KCNAB1: variants seen among roughly 807,000 people sequenced by gnomAD.
KCNAB1 encodes the protein voltage-gated potassium channel subunit beta-1.
Under a neutral mutation model 64.6 loss-of-function variants are expected in KCNAB1, and 35 were observed. The observed-to-expected ratio is 0.54, with a 90% CI of 0.41 to 0.72. The LOEUF is 0.72. Ranked by LOEUF, KCNAB1 falls within the 30% of genes least tolerant of loss-of-function variation. KCNAB1 has a pLI of 0.00. For missense variants in KCNAB1, 401 were observed against 512.9 expected (o/e 0.78, Z 2.11); for synonymous variants, 177 against 183.8 (o/e 0.96, Z 0.30).
intron 8 of KCNAB1, among the ~76,000 whole-genome samples, chr3:156,476,997 T>C (rs950719262): frequency 1.3e-5 from 2 of 152,154 alleles, no homozygotes; most frequent in Admixed American, 6.6e-5. Flanking sequence ...GTTCCCATCT[T>C]ACCCCTACCT....
intron 1 of KCNAB1, among the ~76,000 whole-genome samples, chr3:156,376,544 T>C (rs931460651): frequency 7.2e-5 from 11 of 152,076 alleles, no homozygotes; most frequent in Non-Finnish European, 8.8e-5. Flanking sequence ...GGAAAAACTA[T>C]TGGGAGGTTG....
intron 1 of KCNAB1, among the ~76,000 whole-genome samples, chr3:156,166,882 T>C (rs1438344866): frequency 2.0e-5 from 3 of 152,160 alleles, no homozygotes; most frequent in Non-Finnish European, 4.4e-5. Context: ...TGCGAAGGCT[T>C]TTTAGGATTT....
intron 8 of KCNAB1, among the ~76,000 whole-genome samples, chr3:156,496,467 C>T (rs1211919256): frequency 6.6e-6 from 1 of 152,174 alleles, no homozygotes; most frequent in Non-Finnish European, 1.5e-5. Context: ...TTCGCTCCTC[C>T]TTTGCCTTCC....
Position 156,455,350 on chromosome 3 carries a change from C to T in KCNAB1, c.358-2103C>T. ...ACACTTTCTCAGGAGGTGGGGATGT[C>T]CCCATCACTGGGAGAGTTCATTTAT... On this transcript the variant is annotated intron_variant, in intron 3 of 13. Coordinates refer to ENST00000490337, the MANE Select transcript of KCNAB1 (RefSeq NM_172160.3). Among the ~76,000 whole-genome samples, 2 of 152,182 alleles carry T rather than the reference C, an allele frequency of 1.3e-5. 1 individual carries two copies. Among genetic ancestry groups the T allele is most frequent in the South Asian group, 4.1e-4 (2 of 4,828 alleles).
chr3:156,474,898 G>C, intron 8 of KCNAB1, 78 bp downstream of exon 8: 1 of 1,103,968 alleles, frequency 9.1e-7, no homozygotes, highest in Non-Finnish European at 1.4e-6. Context: ...AGCAGGAAAT[G>C]AATTGTATTC....
rs567845081 is a variant in KCNAB1 at position 156,240,312 on chromosome 3, C to T, written c.275+119426C>T. Among the ~76,000 whole-genome samples the T allele has an allele frequency of 2.4e-3, 367 of 151,742 alleles. 1 individual carries two copies. Among genetic ancestry groups the T allele is most frequent in the Non-Finnish European group, 3.7e-3 (248 of 67,892 alleles). On this transcript the variant is annotated intron_variant, in intron 1 of 13. Coordinates refer to ENST00000490337, the MANE Select transcript of KCNAB1 (RefSeq NM_172160.3). Reference sequence around the variant, plus strand: ...TCTCTGATTTTTCCTTCCTTCATTCCTTTCTTTCTATTTTTTCCTTCTTTT... The same window carrying T: ...TCTCTGATTTTTCCTTCCTTCATTCTTTTCTTTCTATTTTTTCCTTCTTTT...
chr3:156,412,493 T>G (rs1714735260), intron 1 of KCNAB1, among the ~76,000 whole-genome samples: 1 of 152,234 alleles, frequency 6.6e-6, no homozygotes, highest in Non-Finnish European at 1.5e-5. Flanking sequence ...GAAAGGCTTC[T>G]CAAACTTTTA....
At chr3:156,478,398 A>G (rs1009547435) in intron 8 of KCNAB1, among the ~76,000 whole-genome samples, 2 of 152,288 alleles carry the variant, frequency 1.3e-5, no homozygotes, top group East Asian at 3.9e-4. Flanking sequence ...TGCCAACCCC[A>G]TGGAGTCACA....
Position 156,421,273 on chromosome 3 carries a change from G to A in KCNAB1, c.276-343G>A, listed in dbSNP as rs149540709. On this transcript the variant is annotated intron_variant, in intron 1 of 13. Coordinates refer to ENST00000490337, the MANE Select transcript of KCNAB1 (RefSeq NM_172160.3). ...TTGACAAATAATGAATGAATGGTTG[G>A]TGAATAAGTTAAAGAAGTTTACCCT... 1.8e-3 allele frequency among the ~76,000 whole-genome samples: 267 copies of A among 152,282 alleles called. 2 individuals carry two copies. In the Middle Eastern group the frequency reaches 0.024, roughly 14 times the overall value.
chr3:156,222,742 C>T (rs1340162340), intron 1 of KCNAB1, among the ~76,000 whole-genome samples: 1 of 152,082 alleles, frequency 6.6e-6, no homozygotes, highest in Non-Finnish European at 1.5e-5. Context: ...TCTCAGACTA[C>T]AGTGGAATAA....
chr3:156,457,240 T>G, intron 3 of KCNAB1: 4 of 1,352,274 alleles, frequency 3.0e-6, no homozygotes, highest in Non-Finnish European at 3.8e-6. Context: ...AGCCTTCAAG[T>G]AACCCCTCAG....
chr3:156,394,656 G>A (rs1449478218), intron 1 of KCNAB1, among the ~76,000 whole-genome samples: 1 of 152,192 alleles, frequency 6.6e-6, no homozygotes, highest in Non-Finnish European at 1.5e-5. Flanking sequence ...GTCCCATATA[G>A]ATGACGTTAA....
At chr3:156,155,120 T>A (rs1715641061) in intron 1 of KCNAB1, among the ~76,000 whole-genome samples, 1 of 152,232 alleles carries the variant, frequency 6.6e-6, no homozygotes, top group South Asian at 2.1e-4. Flanking sequence ...TTGGTGACAC[T>A]CTTTACAAAG....
Position 156,474,777 on chromosome 3 carries a change from T to C in KCNAB1, c.615T>C (p.Asp205=). ...SLQRLQLEYV[D]VVFANRPDSN... ...AGAGGCTGCAGCTCGAGTATGTGGA[T>C]GTGGTCTTTGCAAATCGACCGGACA... The change falls in exon 8 of 14, where the codon GAT becomes GAC. Residue 205 remains aspartate, a synonymous_variant. Coordinates refer to ENST00000490337, the MANE Select transcript of KCNAB1 (RefSeq NM_172160.3). 6.2e-7 allele frequency: 1 copy of C among 1,613,476 alleles called. No individual in the cohort carries two copies. Among genetic ancestry groups the C allele is most frequent in the Non-Finnish European group, 8.5e-7 (1 of 1,179,564 alleles).
intron 1 of KCNAB1, among the ~76,000 whole-genome samples, chr3:156,335,583 T>C (rs1024837068): frequency 2.6e-5 from 4 of 152,212 alleles, no homozygotes; most frequent in Non-Finnish European, 5.9e-5. Context: ...TCCATCAATA[T>C]CCAGACATTA....
intron 1 of KCNAB1, among the ~76,000 whole-genome samples, chr3:156,268,942 G>C (rs754779516): frequency 3.9e-4 from 60 of 152,302 alleles, no homozygotes; most frequent in Admixed American, 1.4e-3. Context: ...CCAGTCCAAT[G>C]TTCTGGAGAG....
chr3:156,339,781 G>C (rs1433814128), intron 1 of KCNAB1, among the ~76,000 whole-genome samples: 1 of 152,098 alleles, frequency 6.6e-6, no homozygotes, highest in Non-Finnish European at 1.5e-5. Context: ...GGGGGAGGGG[G>C]CTCCCACGTC....
chr3:156,236,888 G>A (rs1188782487), intron 1 of KCNAB1, among the ~76,000 whole-genome samples: 1 of 152,044 alleles, frequency 6.6e-6, no homozygotes, highest in Non-Finnish European at 1.5e-5. Context: ...TGACTTCTTA[G>A]TTGTTTTCAA....
chr3:156,337,308 AAG>A (rs769159325), intron 1 of KCNAB1, among the ~76,000 whole-genome samples: 2 of 152,220 alleles, frequency 1.3e-5, no homozygotes, highest in East Asian at 3.9e-4. Context: ...ACTATTTGCC[AAG>A]AGAGACTGGA....
Sources: allele counts gnomAD v4.1 joint callset (sites outside exome capture counted in the v4.1 genomes callset), GRCh38; gene constraint gnomAD v4.1.1; transcripts MANE v1.5; gene names NCBI Gene and HGNC (gene_info 2026-07-23, HGNC 2026-07-21).